The following DDB1 variants were observed in gnomAD, a reference collection of about 807,000 sequenced individuals.
The protein encoded by DDB1 is damage specific DNA binding protein 1.
DDB1 carries 18 observed loss-of-function variants against 133.1 expected under a neutral mutation model. The ratio of observed to expected loss-of-function variants is 0.14; its 90% CI spans 0.09 to 0.20. DDB1 has a LOEUF of 0.20. Ranked by LOEUF, DDB1 falls within the 10% of genes least tolerant of loss-of-function variation. The pLI is 1.00. For missense variants in DDB1, 828 were observed against 1,459.2 expected (o/e 0.57, Z 7.05); for synonymous variants, 580 against 550.5 (o/e 1.05, Z -0.75).
Position 61,321,935 on chromosome 11 carries a change from G to A in DDB1, c.1123-238C>T, listed in dbSNP as rs1257896884. On this transcript the variant is annotated intron_variant, in intron 9 of 26. Coordinates refer to ENST00000301764, the MANE Select transcript of DDB1 (RefSeq NM_001923.5). ...CCACTGCTCCTAGCAAGCTTGCTTA[G>A]ATCGCTGGGACCTAGTTTACTAGAA... 7.0e-5 allele frequency: 39 copies of A among 554,162 alleles called. No homozygotes were observed. The Admixed American group carries it at 1.2e-3, about 17-fold the overall frequency. The allele number at this position is 554,162 out of a possible 1,614,324, so 34.3% of individuals were successfully genotyped here.
chr11:61,320,435 AG>A (rs1856161050), intron 10 of DDB1, among the ~76,000 whole-genome samples: 1 of 152,138 alleles, frequency 6.6e-6, no homozygotes, highest in South Asian at 2.1e-4. Context: ...TCCTGGCCTC[AG>A]GTAATCCACC....
intron 6 of DDB1, among the ~76,000 whole-genome samples, chr11:61,325,083 G>A (rs1590697713): frequency 6.6e-6 from 1 of 152,152 alleles, no homozygotes; most frequent in Non-Finnish European, 1.5e-5. Flanking sequence ...GGGAGGCGGA[G>A]GTTGCAGTGA....
In DDB1 at chr11:61,316,985, A is replaced by C. The variant is rs1205397345; in HGVS notation, c.1226-418T>G. ...TATATATATATATATATATATATAT[A>C]TATATATATATATAGACATGGCAGC... On this transcript the variant is annotated intron_variant, in intron 10 of 26. Transcript: ENST00000301764. 5.9e-5 allele frequency among the ~76,000 whole-genome samples: 5 copies of C among 84,220 alleles called. 1 individual carries two copies. The highest frequency in any genetic ancestry group is 1.6e-4 in the African/African-American group (5 of 30,812). 55.3% of individuals were successfully genotyped at this position (84,220 alleles called of 152,430 possible). A position where few individuals can be genotyped will look rare whatever the true frequency, so the allele number is the denominator to read the frequency against.
intron 18 of DDB1, 154 bp from the exon 19 acceptor site, chr11:61,310,572 AG>A: frequency 1.3e-6 from 1 of 781,370 alleles, no homozygotes; most frequent in Non-Finnish European, 1.9e-6. Flanking sequence ...AGAGTGTTTC[AG>A]AGGAGGCATG....
At chr11:61,317,761 T>C (rs926239276) in intron 10 of DDB1, among the ~76,000 whole-genome samples, 11 of 152,208 alleles carry the variant, frequency 7.2e-5, no homozygotes, top group African/African-American at 2.7e-4. Flanking sequence ...CCACTCGGTC[T>C]CCCAAAGTAC....
chr11:61,311,787 G>A lies in DDB1; in HGVS notation c.2274C>T (p.Thr758=). ...TTTCTTTGTCCACTGCCCTTACCTGGGTGCTAGCGCTGGGCCTCAAGGCTG... is the reference window on the plus strand; with the variant it reads ...TTTCTTTGTCCACTGCCCTTACCTGAGTGCTAGCGCTGGGCCTCAAGGCTG... ...GTTALRPSAS[T]QALSSSVSSS... Residue 758 remains threonine (T), a synonymous_variant, in exon 18 of 27, where the codon ACC becomes ACT. Transcript: ENST00000301764. 1 of 1,611,818 alleles carries A rather than the reference G, an allele frequency of 6.2e-7. No individual in the cohort carries two copies. The highest frequency in any genetic ancestry group is 8.5e-7 in the Non-Finnish European group (1 of 1,179,318).
rs28720351 is a variant in DDB1, at chr11:61,302,262, G to A, written c.3210C>T (p.His1070=). The change falls in exon 25 of 27, where the codon CAC becomes CAT. Residue 1070 remains histidine, a synonymous_variant. Coordinates refer to ENST00000301764, the MANE Select transcript of DDB1 (RefSeq NM_001923.5). ...GATGGCTCTGGGAAGGATATAAGGAGTGCTCGATCTTCCCCACACTTTTGA... is the reference window on the plus strand; with the variant it reads ...GATGGCTCTGGGAAGGATATAAGGAATGCTCGATCTTCCCCACACTTTTGA... ...KVIKSVGKIE[H]SFWRSFHTER... 16 of 1,613,960 alleles carry A rather than the reference G, an allele frequency of 9.9e-6. No homozygotes were observed. In the Admixed American group the frequency reaches 2.5e-4, roughly 25 times the overall value.
At chr11:61,307,234 T>C (rs1855894183) in intron 21 of DDB1, among the ~76,000 whole-genome samples, 1 of 152,238 alleles carries the variant, frequency 6.6e-6, no homozygotes, top group South Asian at 2.1e-4. Flanking sequence ...CACATCACTC[T>C]GTCCTTTACT....
At chr11:61,332,755 G>A (rs894626019) in intron 1 of DDB1, 153 bp downstream of exon 1, 2 of 576,012 alleles carry the variant, frequency 3.5e-6, no homozygotes, top group African/African-American at 3.9e-5. Flanking sequence ...ACTCTTTCGA[G>A]GTCGCGGTGC....
In DDB1 at chr11:61,302,349, G is replaced by C. The variant is rs560588802; in HGVS notation, c.3123C>G (p.Thr1041=). Residue 1041 remains threonine (T), a synonymous_variant, in exon 25 of 27, where the codon ACC becomes ACG. Transcript: ENST00000301764. ...GGTTGTACCAGCTCTCTGACAGTGA[G>C]GTCACCAGCCCTGAAGAAGTGAAGG... ...GTVNGMIGLV[T]SLSESWYNLL... is the part of the protein sequence containing the mutation. 2 of 1,614,164 alleles carry C rather than the reference G, an allele frequency of 1.2e-6. No homozygotes were observed. Among genetic ancestry groups the C allele is most frequent in the African/African-American group, 2.7e-5 (2 of 75,064 alleles).
At chr11:61,303,492 T>G in intron 22 of DDB1, 1 of 304,380 alleles carries the variant, frequency 3.3e-6, no homozygotes, top group South Asian at 3.8e-5. Context: ...ATCGAGACCA[T>G]CCTGGCTAAC....
rs1456280693 is a variant in DDB1, at chr11:61,302,643, C to T, written c.3051G>A (p.Leu1017=). 1 of 1,614,222 alleles carries T rather than the reference C, an allele frequency of 6.2e-7. No homozygotes were observed. Among genetic ancestry groups the T allele is most frequent in the Admixed American group, 1.7e-5 (1 of 60,024 alleles). The stretch of plus-strand genomic sequence containing the variant: ...CTTGTGTGGGGGTGGAAGTCTCACC[C>T]AGATTCTGCATTACCAGAGAGCCGT... ...FCHGSLVMQN[L]GETSTPTQGS... Residue 1017 remains leucine (L), a synonymous_variant, in exon 24 of 27, where the codon CTG becomes CTA. Coordinates refer to ENST00000301764, the MANE Select transcript of DDB1 (RefSeq NM_001923.5).
At chr11:61,307,781 T>C (rs185073270) in intron 21 of DDB1, among the ~76,000 whole-genome samples, 1 of 151,968 alleles carries the variant, frequency 6.6e-6, no homozygotes, top group East Asian at 1.9e-4. Flanking sequence ...CCTGCTGCAC[T>C]ATCTTTCCCA....
intron 12 of DDB1, chr11:61,314,741 T>C (rs941233552): frequency 1.5e-5 from 6 of 387,588 alleles, no homozygotes; most frequent in Admixed American, 8.6e-5. Flanking sequence ...TTCATTCTAA[T>C]TGAGACTTAC....
At chr11:61,310,794 A>G (rs1446191040) in intron 18 of DDB1, 2 of 165,316 alleles carry the variant, frequency 1.2e-5, no homozygotes, top group African/African-American at 4.8e-5. Flanking sequence ...GGGAGGTCCT[A>G]TCGCAGATAT....
chr11:61,325,231 G>A (rs1031818324), intron 6 of DDB1, among the ~76,000 whole-genome samples: 8 of 152,036 alleles, frequency 5.3e-5, no homozygotes, highest in African/African-American at 1.9e-4. Flanking sequence ...CTAGCTACTT[G>A]GGAGGTTGAG....
intron 26 of DDB1, among the ~76,000 whole-genome samples, chr11:61,300,583 C>A (rs958648249): frequency 1.3e-5 from 2 of 152,234 alleles, no homozygotes; most frequent in Non-Finnish European, 2.9e-5. Context: ...ACGGGGTTAA[C>A]ATGGGTAGAG....
chr11:61,302,388 CAG>C, intron 24 of DDB1, 29 bp from the exon 25 acceptor site: 5 of 1,605,254 alleles, frequency 3.1e-6, no homozygotes, highest in Non-Finnish European at 4.3e-6. Context: ...CAGTGAGCTG[CAG>C]AGAGCTCAAC....
intron 8 of DDB1, 154 bp from the exon 9 acceptor site, chr11:61,322,566 C>G (rs960874242): frequency 1.6e-6 from 1 of 644,042 alleles, no homozygotes; most frequent in Non-Finnish European, 2.8e-6. Flanking sequence ...GGACTATTGA[C>G]GAAAGAATAT....
Sources: gnomAD v4.1 joint callset for allele counts (sites outside exome capture counted in the v4.1 genomes callset) on GRCh38, gnomAD v4.1.1 for gene constraint, MANE v1.5 for transcripts, NCBI Gene and HGNC (gene_info 2026-07-23, HGNC 2026-07-21) for gene names.